LOC128092252: variants seen among roughly 807,000 people sequenced by gnomAD.
At chr15:50,662,020 C>T in the LOC128092252 span, among the ~76,000 whole-genome samples, 1 of 151,910 alleles carries the variant, frequency 6.6e-6, no homozygotes. Flanking sequence ...GGGTTCAAGA[C>T]CAGCCTGGCC....
At chr15:50,657,399 G>A in the LOC128092252 span, among the ~76,000 whole-genome samples, 1 of 152,144 alleles carries the variant, frequency 6.6e-6, no homozygotes, top group African/African-American at 2.4e-5. Context: ...TCAAAAGCAT[G>A]TGCAACAAAA....
chr15:50,674,855 T>A, the LOC128092252 span, among the ~76,000 whole-genome samples: 13 of 152,154 alleles, frequency 8.5e-5, no homozygotes, highest in Non-Finnish European at 1.5e-5. Flanking sequence ...GAATATATCA[T>A]CCCCTCTACT....
At chr15:50,659,705 T>C in the LOC128092252 span, among the ~76,000 whole-genome samples, 1 of 152,108 alleles carries the variant, frequency 6.6e-6, no homozygotes, top group East Asian at 1.9e-4. Flanking sequence ...TCTCACTCTG[T>C]CACTGAGGCT....
At chr15:50,663,985 C>A in the LOC128092252 span, among the ~76,000 whole-genome samples, 3 of 151,080 alleles carry the variant, frequency 2.0e-5, no homozygotes, top group African/African-American at 7.3e-5. Flanking sequence ...GCAAAAAAAA[C>A]CTGAAAAAAA....
chr15:50,686,652 C>T, the LOC128092252 span: 6 of 1,421,758 alleles, frequency 4.2e-6, no homozygotes, highest in Admixed American at 7.2e-5. Flanking sequence ...GGACAAGGAA[C>T]GCCCAGGGAA....
At chr15:50,650,398 A>G in the LOC128092252 span, among the ~76,000 whole-genome samples, 1 of 151,766 alleles carries the variant, frequency 6.6e-6, no homozygotes, top group Non-Finnish European at 1.5e-5. Flanking sequence ...AGAAGGACTA[A>G]ATTAGACCTA....
At chr15:50,670,335 T>C in the LOC128092252 span, among the ~76,000 whole-genome samples, 1 of 152,042 alleles carries the variant, frequency 6.6e-6, no homozygotes, top group South Asian at 2.1e-4. Flanking sequence ...GCATTCCCAG[T>C]AGGTTAGGTA....
chr15:50,681,264 T>TACAC, the LOC128092252 span, among the ~76,000 whole-genome samples: 49,675 of 146,804 alleles, frequency 0.34, 8,419 homozygotes, highest in South Asian at 0.37. Flanking sequence ...AATAAATAAA[T>TACAC]ACACACACAC....
the LOC128092252 span, among the ~76,000 whole-genome samples, chr15:50,684,679 G>A: frequency 6.6e-6 from 1 of 151,930 alleles, no homozygotes; most frequent in East Asian, 1.9e-4. Flanking sequence ...AGAGGAGAAA[G>A]AAACATGTTA....
the LOC128092252 span, among the ~76,000 whole-genome samples, chr15:50,665,574 A>C: frequency 6.6e-6 from 1 of 152,224 alleles, no homozygotes; most frequent in African/African-American, 2.4e-5. Context: ...ATAAAAATTC[A>C]TAATTAAAAA....
At chr15:50,664,824 G>A in the LOC128092252 span, among the ~76,000 whole-genome samples, 1 of 152,108 alleles carries the variant, frequency 6.6e-6, no homozygotes, top group Admixed American at 6.6e-5. Context: ...AGCCGGGTGT[G>A]GTGGTGCACA....
At chr15:50,674,109 C>G in the LOC128092252 span, among the ~76,000 whole-genome samples, 121 of 152,316 alleles carry the variant, frequency 7.9e-4, 1 homozygote, top group African/African-American at 2.8e-3. Flanking sequence ...CTGTCTCAGC[C>G]TCTGGAGTAG....
chr15:50,677,208 G>A, the LOC128092252 span, among the ~76,000 whole-genome samples: 1,018 of 152,204 alleles, frequency 6.7e-3, 16 homozygotes, highest in African/African-American at 0.024. Context: ...CAGTGAAGAG[G>A]GAGTGAATAA....
the LOC128092252 span, among the ~76,000 whole-genome samples, chr15:50,658,359 G>A: frequency 6.6e-6 from 1 of 151,830 alleles, no homozygotes; most frequent in East Asian, 1.9e-4. Context: ...AATTGCTTGA[G>A]TCCAGGAGTT....
the LOC128092252 span, among the ~76,000 whole-genome samples, chr15:50,673,398 T>G: frequency 6.6e-6 from 1 of 152,140 alleles, no homozygotes; most frequent in Non-Finnish European, 1.5e-5. Context: ...ACCCTATTTG[T>G]AGTCTTTTAT....
chr15:50,674,806 T>C, the LOC128092252 span, among the ~76,000 whole-genome samples: 1 of 152,318 alleles, frequency 6.6e-6, no homozygotes, highest in South Asian at 2.1e-4. Context: ...TATTCTTGGA[T>C]AATGGGTTTG....
the LOC128092252 span, among the ~76,000 whole-genome samples, chr15:50,670,698 A>G: frequency 6.6e-6 from 1 of 152,020 alleles, no homozygotes; most frequent in Non-Finnish European, 1.5e-5. Context: ...AATAACCATA[A>G]AAGTGGGCAA....
At chr15:50,683,465 T>A in the LOC128092252 span, among the ~76,000 whole-genome samples, 6 of 149,568 alleles carry the variant, frequency 4.0e-5, no homozygotes, top group African/African-American at 1.2e-4. Context: ...CCAGGGTCAG[T>A]GGCTCACGCC....
At chr15:50,678,514 AAAAATAT>A in the LOC128092252 span, among the ~76,000 whole-genome samples, 34 of 79,410 alleles carry the variant, frequency 4.3e-4, no homozygotes, top group African/African-American at 1.1e-3. Context: ...TTTAAAAAAA[AAAAATAT>A]ATATATATAT....
Sources: allele counts gnomAD v4.1 joint callset (sites outside exome capture counted in the v4.1 genomes callset), GRCh38; gene constraint gnomAD v4.1.1; transcripts MANE v1.5.